The following NAALAD2 variants were observed in gnomAD, a reference collection of about 807,000 sequenced individuals.
The protein encoded by NAALAD2 is N-acetylated alpha-linked acidic dipeptidase 2.
In NAALAD2, 89 loss-of-function variants were observed where a neutral mutation model predicts 95.6. The ratio of observed to expected loss-of-function variants is 0.93; its 90% CI spans 0.78 to 1.11. The LOEUF (loss-of-function observed/expected upper bound fraction) is 1.11. Among genes scored for constraint, NAALAD2 ranks in the 50% least tolerant of loss-of-function variants. NAALAD2 has a pLI of 0.00. For synonymous variants in NAALAD2, 264 were observed against 294.4 expected, an observed-to-expected ratio of 0.90 and a Z score of 1.06; for missense variants, 894 against 872.4, an observed-to-expected ratio of 1.02 and a Z score of -0.31.
At chr11:90,139,864 T>C (rs996862190) in intron 2 of NAALAD2, among the ~76,000 whole-genome samples, 3 of 152,094 alleles carry the variant, frequency 2.0e-5, no homozygotes, top group Admixed American at 2.0e-4. Context: ...CCTTTTTTTT[T>C]TTTTTTTTAA....
At chr11:90,155,320 AATATATAATGTATAATTATATATATT>A (rs1952037056) in intron 6 of NAALAD2, among the ~76,000 whole-genome samples, 1 of 119,542 alleles carries the variant, frequency 8.4e-6, no homozygotes, top group Non-Finnish European at 1.6e-5. Context: ...TATTATATAT[AATATATAATGTATAATTATATATATT>A]ATATATTACA....
At chr11:90,154,898 A>G (rs1336597529) in intron 6 of NAALAD2, among the ~76,000 whole-genome samples, 1 of 101,874 alleles carries the variant, frequency 9.8e-6, no homozygotes, top group Non-Finnish European at 1.8e-5. Context: ...TGTATATATT[A>G]TATACGTATA....
chr11:90,174,088 T>C (rs1175353630), intron 14 of NAALAD2, among the ~76,000 whole-genome samples, 173 bp downstream of exon 14: 1 of 152,126 alleles, frequency 6.6e-6, no homozygotes, highest in Non-Finnish European at 1.5e-5. Flanking sequence ...TCCTAGCACT[T>C]TGGGAGGCCG....
At chr11:90,184,523 C>T (rs1038143676) in intron 18 of NAALAD2, among the ~76,000 whole-genome samples, 1 of 151,918 alleles carries the variant, frequency 6.6e-6, no homozygotes, top group Non-Finnish European at 1.5e-5. Context: ...AAACAAAAGC[C>T]GAAAGCCGTA....
rs577705602 is a variant in NAALAD2 at position 90,175,057 on chromosome 11, A to G, written c.1503-915A>G. Among the ~76,000 whole-genome samples the G allele has an allele frequency of 1.4e-4, 22 of 152,324 alleles. No individual in the cohort carries two copies. The South Asian group carries it at 4.1e-3, about 29-fold the overall frequency. ...CCCCATCCCCAAGATATCTCACTGC[A>G]TATATGTAAATATTCATAGTTGGAA... On this transcript the variant is annotated intron_variant, in intron 14 of 18. Transcript: ENST00000534061.
intron 17 of NAALAD2, among the ~76,000 whole-genome samples, chr11:90,182,459 C>T (rs1020341913): frequency 4.3e-4 from 66 of 152,190 alleles, no homozygotes; most frequent in Admixed American, 1.5e-3. Flanking sequence ...AAGGGATTCC[C>T]TATCCATTAT....
chr11:90,148,986 C>T lies in NAALAD2; in HGVS notation c.382-20C>T, dbSNP rs759115042. On this transcript the variant is annotated intron_variant, in intron 3 of 18. Transcript: ENST00000534061. ...ATAATCTGGAATTTTTCTAACTTGACATATTTTAATTCTTGCTAGATTTTC... is the reference window on the plus strand; with the variant it reads ...ATAATCTGGAATTTTTCTAACTTGATATATTTTAATTCTTGCTAGATTTTC... The T allele has an allele frequency of 1.8e-5, 26 of 1,454,404 alleles. No homozygotes were observed. The East Asian group carries it at 3.9e-4, about 22-fold the overall frequency. 90.1% of individuals were successfully genotyped at this position (1,454,404 alleles called of 1,614,324 possible). A position where few individuals can be genotyped will look rare whatever the true frequency, so the allele number is the denominator to read the frequency against.
At chr11:90,154,711 T>A (rs1269567651) in intron 6 of NAALAD2, among the ~76,000 whole-genome samples, 1 of 151,100 alleles carries the variant, frequency 6.6e-6, no homozygotes, top group African/African-American at 2.4e-5. Flanking sequence ...CAATGTTGTC[T>A]ATAAATATTT....
At chr11:90,152,847 C>T (rs896149562) in intron 6 of NAALAD2, among the ~76,000 whole-genome samples, 2 of 143,372 alleles carry the variant, frequency 1.4e-5, no homozygotes, top group African/African-American at 2.7e-5. Flanking sequence ...ATTGAATTAT[C>T]GATAGATTGT....
At chr11:90,187,267 T>C (rs1438972277) in intron 18 of NAALAD2, among the ~76,000 whole-genome samples, 2 of 152,228 alleles carry the variant, frequency 1.3e-5, no homozygotes, top group Non-Finnish European at 2.9e-5. Context: ...AGTGTGGCGA[T>C]TCCTCAGGGA....
chr11:90,138,725 C>CTTTTTT (rs562496549), intron 2 of NAALAD2, among the ~76,000 whole-genome samples: 7 of 61,528 alleles, frequency 1.1e-4, no homozygotes, highest in Non-Finnish European at 1.9e-4. Context: ...CATCCCTCAA[C>CTTTTTT]TTTTTTTTTT....
upstream of NAALAD2, among the ~76,000 whole-genome samples, chr11:90,134,140 TAAA>T (rs1043453302): frequency 2.6e-5 from 4 of 152,140 alleles, no homozygotes; most frequent in Admixed American, 2.6e-4. Flanking sequence ...GTGAGGTAGG[TAAA>T]AACCTCAGTT....
In NAALAD2 at chr11:90,185,875, AT is replaced by A. The variant is rs1232557505; in HGVS notation, c.2033+2868del. On this transcript the variant is annotated intron_variant, in intron 18 of 18. Transcript: ENST00000534061. ...GGTAAACACTTTTTTTTTTTTTTTT[AT>A]ATACATTTAAAATTTTATTTGTTTT... Among the ~76,000 whole-genome samples the A allele has an allele frequency of 2.4e-3, 162 of 68,416 alleles. 3 individuals carry two copies. The highest frequency in any genetic ancestry group is 7.2e-3 in the Middle Eastern group (1 of 138). The allele number at this position is 68,416 out of a possible 152,430, so 44.9% of individuals were successfully genotyped here. A position where few individuals can be genotyped will look rare whatever the true frequency, so the allele number is the denominator to read the frequency against.
rs757707219 is a variant in NAALAD2 at position 90,178,056 on chromosome 11, A to G, written c.1797A>G (p.Ala599=). ...CAGAAGCTTTGAAAAACTATGCAGC[A>G]AGTATCTATAATCTATCTAAGAAAC... ...DYAEALKNYA[A]SIYNLSKKHD... The change falls in exon 16 of 19, where the codon GCA becomes GCG. Residue 599 remains alanine (A), a synonymous_variant. Coordinates refer to ENST00000534061, the MANE Select transcript of NAALAD2 (RefSeq NM_005467.4). 1.2e-5 allele frequency: 19 copies of G among 1,613,842 alleles called. No homozygotes were observed. In the East Asian group the frequency reaches 4.2e-4, roughly 36 times the overall value.
intron 12 of NAALAD2, 194 bp downstream of exon 12, chr11:90,169,186 T>C: frequency 2.1e-6 from 1 of 474,150 alleles, no homozygotes; most frequent in South Asian, 3.5e-5. Flanking sequence ...ATAATTAGGA[T>C]TCATATGAAT....
intron 16 of NAALAD2, among the ~76,000 whole-genome samples, 173 bp downstream of exon 16, chr11:90,178,290 T>C (rs1315531636): frequency 6.6e-6 from 1 of 152,230 alleles, no homozygotes; most frequent in Non-Finnish European, 1.5e-5. Flanking sequence ...TGATTTAATC[T>C]GGCATGTATA....
intron 2 of NAALAD2, among the ~76,000 whole-genome samples, chr11:90,137,894 C>T (rs1294801822): frequency 6.6e-6 from 1 of 152,028 alleles, no homozygotes; most frequent in Non-Finnish European, 1.5e-5. Context: ...ATACCCACCT[C>T]ACCCTCCCAC....
intron 13 of NAALAD2, among the ~76,000 whole-genome samples, chr11:90,173,252 T>A (rs1565540347): frequency 1.3e-5 from 2 of 152,136 alleles, no homozygotes; most frequent in Admixed American, 6.6e-5. Flanking sequence ...TAGAGTTTTT[T>A]AAAAAATCCA....
intron 15 of NAALAD2, among the ~76,000 whole-genome samples, chr11:90,176,673 A>G (rs1372114130): frequency 6.6e-6 from 1 of 152,182 alleles, no homozygotes; most frequent in East Asian, 1.9e-4. Flanking sequence ...CATCAATGTT[A>G]TAAATTATTT....
Sources: allele counts gnomAD v4.1 joint callset (sites outside exome capture counted in the v4.1 genomes callset), GRCh38; gene constraint gnomAD v4.1.1; transcripts MANE v1.5; gene names NCBI Gene and HGNC (gene_info 2026-07-23, HGNC 2026-07-21).